TEX29: variants seen among roughly 807,000 people sequenced by gnomAD.
TEX29 encodes the protein testis expressed 29.
A neutral mutation model predicts 18.2 loss-of-function variants in TEX29; 26 were observed. That is an observed-to-expected ratio of 1.43 (90% CI 1.04 to 1.98). The LOEUF (loss-of-function observed/expected upper bound fraction) is 1.98, where lower values mean the gene tolerates loss of function less well. TEX29 is among the 30% of genes most tolerant of loss of function. TEX29 has a pLI of 0.00. For synonymous variants in TEX29, 83 were observed against 78.5 expected (o/e 1.06, Z -0.31); for missense variants, 177 against 194.2 (o/e 0.91, Z 0.53).
chr13:111,323,063 G>T (rs2093667287), intron 2 of TEX29, among the ~76,000 whole-genome samples: 1 of 152,218 alleles, frequency 6.6e-6, no homozygotes, highest in Non-Finnish European at 1.5e-5. Context: ...CTGTGGCCGG[G>T]TGCAGTGCAG....
intron 3 of TEX29, 45 bp from the exon 4 acceptor site, chr13:111,339,818 C>T: frequency 1.2e-6 from 2 of 1,600,088 alleles, no homozygotes; most frequent in East Asian, 2.2e-5. Context: ...TCTTCCTTTT[C>T]TATTTACCTG....
At chr13:111,318,476 C>T (rs9560041), upstream of TEX29, among the ~76,000 whole-genome samples, 26,408 of 152,242 alleles carry the variant, frequency 0.17, 3,658 homozygotes, top group East Asian at 0.75. Context: ...CACTCTTCCA[C>T]GGCGTGGCCT....
chr13:111,326,154 C>T (rs937278428), intron 2 of TEX29, among the ~76,000 whole-genome samples: 4 of 148,838 alleles, frequency 2.7e-5, no homozygotes, highest in Admixed American at 6.7e-5. Flanking sequence ...GAAGAGCGTT[C>T]GGGCATCACG....
At chr13:111,316,188 A>G (rs1447327147), upstream of TEX29, 1 of 496,746 alleles carries the variant, frequency 2.0e-6, no homozygotes, top group Non-Finnish European at 4.0e-6. Context: ...TTTACAGGTG[A>G]GTTCTCCTGG....
intron 3 of TEX29, among the ~76,000 whole-genome samples, chr13:111,332,904 G>C (rs1358774447): frequency 6.6e-6 from 1 of 151,992 alleles, no homozygotes; most frequent in East Asian, 1.9e-4. Context: ...ACTCCCTTTG[G>C]TATTTCGTAT....
At chr13:111,342,149 C>G (rs2093697562) in intron 4 of TEX29, among the ~76,000 whole-genome samples, 1 of 152,202 alleles carries the variant, frequency 6.6e-6, no homozygotes, top group African/African-American at 2.4e-5. Flanking sequence ...CATCTCACTC[C>G]CCGGCCACCA....
At chr13:111,332,561 A>C (rs2093684242) in intron 3 of TEX29, among the ~76,000 whole-genome samples, 1 of 152,134 alleles carries the variant, frequency 6.6e-6, no homozygotes, top group Non-Finnish European at 1.5e-5. Flanking sequence ...CCTCCAGTAC[A>C]ATGATGAATA....
At chr13:111,324,077 G>C (rs2093668947) in intron 2 of TEX29, among the ~76,000 whole-genome samples, 1 of 152,202 alleles carries the variant, frequency 6.6e-6, no homozygotes, top group Non-Finnish European at 1.5e-5. Context: ...GACAGAAAGG[G>C]GTGTGCAGTC....
At chr13:111,337,339 G>A (rs550631812) in intron 3 of TEX29, among the ~76,000 whole-genome samples, 5 of 152,246 alleles carry the variant, frequency 3.3e-5, no homozygotes, top group South Asian at 2.1e-4. Context: ...AAATCTTGGC[G>A]TCCCAGATGA....
chr13:111,335,865 T>A (rs1009802501), intron 3 of TEX29, among the ~76,000 whole-genome samples: 1 of 152,242 alleles, frequency 6.6e-6, no homozygotes, highest in South Asian at 2.1e-4. Flanking sequence ...ACGTCCAAGC[T>A]GCTACTGCCG....
At chr13:111,336,289 C>T (rs951763791) in intron 3 of TEX29, among the ~76,000 whole-genome samples, 2 of 152,220 alleles carry the variant, frequency 1.3e-5, no homozygotes, top group Non-Finnish European at 2.9e-5. Flanking sequence ...TCACTGTGCC[C>T]TCACATTACT....
intron 3 of TEX29, among the ~76,000 whole-genome samples, chr13:111,338,070 C>T (rs2093691993): frequency 6.6e-6 from 1 of 152,142 alleles, no homozygotes; most frequent in South Asian, 2.1e-4. Flanking sequence ...AGTGCGGATC[C>T]CTTCGGAAGC....
intron 2 of TEX29, among the ~76,000 whole-genome samples, chr13:111,326,348 G>C (rs9588400): frequency 0.24 from 2,150 of 9,104 alleles, 318 homozygotes; most frequent in East Asian, 0.51. Flanking sequence ...GCGAGCCTGG[G>C]GCTGGTGGGT....
chr13:111,340,057 C>T (rs549230966), intron 4 of TEX29, 125 bp downstream of exon 4: 18 of 823,678 alleles, frequency 2.2e-5, no homozygotes, highest in East Asian at 1.3e-4. Flanking sequence ...AACAGCTCTC[C>T]GTGAGCCTGG....
At chr13:111,320,591 G>A (rs943742256), upstream of TEX29, 1 of 503,352 alleles carries the variant, frequency 2.0e-6, no homozygotes, top group African/African-American at 1.9e-5. Flanking sequence ...ATGAGGCTGT[G>A]TGATGTCACA....
At chr13:111,339,972 G>A (rs2093695268) in intron 4 of TEX29, 40 bp downstream of exon 4, 2 of 1,527,054 alleles carry the variant, frequency 1.3e-6, no homozygotes, top group South Asian at 1.1e-5. Context: ...TGGGGAGGAG[G>A]GGACTCACCT....
intron 2 of TEX29, among the ~76,000 whole-genome samples, chr13:111,323,031 C>T (rs373884192): frequency 1.3e-5 from 2 of 152,348 alleles, no homozygotes; most frequent in African/African-American, 4.8e-5. Context: ...CTCTGCGCAA[C>T]TTTGCAGATG....
At chr13:111,320,995 T>TGGGGGGGGGGCCCCACCAGTG in intron 2 of TEX29, 47 bp downstream of exon 2, 1 of 320,864 alleles carries the variant, frequency 3.1e-6, no homozygotes, top group Non-Finnish European at 5.8e-6. Flanking sequence ...GGGGAGCAGT[T>TGGGGGGGGGGCCCCACCAGTG]GGGGGGGGGC....
At chr13:111,340,043 T>C in intron 4 of TEX29, 111 bp downstream of exon 4, 1 of 965,462 alleles carries the variant, frequency 1.0e-6, no homozygotes. Context: ...CTGGGGTGAC[T>C]GAGAACAGCT....
Sources: allele counts gnomAD v4.1 joint callset (sites outside exome capture counted in the v4.1 genomes callset), GRCh38; gene constraint gnomAD v4.1.1; transcripts MANE v1.5; gene names NCBI Gene and HGNC (gene_info 2026-07-23, HGNC 2026-07-21).